OGDH: variants seen among roughly 807,000 people sequenced by gnomAD.
The protein encoded by OGDH is 2-oxoglutarate dehydrogenase complex component E1.
Under a neutral mutation model 116.6 loss-of-function variants are expected in OGDH, and 38 were observed. The ratio of observed to expected loss-of-function variants is 0.33; its 90% CI spans 0.25 to 0.43. The LOEUF is 0.43. Among genes scored for constraint, OGDH ranks in the 20% least tolerant of loss-of-function variants. The pLI is 1.00. For synonymous variants in OGDH, 488 were observed against 533.3 expected (o/e 0.92, Z 1.17); for missense variants, 825 against 1,357.2 (o/e 0.61, Z 6.16).
At chr7:44,698,082 C>T in intron 17 of OGDH, 110 bp from the exon 18 acceptor site, 1 of 1,283,112 alleles carries the variant, frequency 7.8e-7, no homozygotes, top group South Asian at 1.2e-5. Flanking sequence ...ACCCTGCCAT[C>T]AAGAAAAAAG....
intron 9 of OGDH, among the ~76,000 whole-genome samples, chr7:44,677,088 C>T (rs1209789217): frequency 6.6e-6 from 1 of 152,100 alleles, no homozygotes; most frequent in Non-Finnish European, 1.5e-5. Context: ...TATTTAACTT[C>T]AAGATAGAAT....
At chr7:44,650,264 G>T (rs1437531676) in intron 4 of OGDH, among the ~76,000 whole-genome samples, 1 of 151,118 alleles carries the variant, frequency 6.6e-6, no homozygotes, top group Non-Finnish European at 1.5e-5. Context: ...AAAACAGCAG[G>T]TCAGATGTGA....
intron 20 of OGDH, among the ~76,000 whole-genome samples, chr7:44,706,242 T>C (rs920058182): frequency 6.6e-6 from 1 of 151,978 alleles, no homozygotes; most frequent in African/African-American, 2.4e-5. Flanking sequence ...CTGAATATTT[T>C]CTCTGATTGT....
intron 9 of OGDH, among the ~76,000 whole-genome samples, chr7:44,680,073 A>G (rs1167693292): frequency 6.6e-6 from 1 of 152,176 alleles, no homozygotes; most frequent in Non-Finnish European, 1.5e-5. Flanking sequence ...TTAGCCAGGC[A>G]TGGTGGCATG....
intron 3 of OGDH, among the ~76,000 whole-genome samples, 197 bp downstream of exon 3, chr7:44,645,715 A>G (rs1786144740): frequency 6.6e-6 from 1 of 152,224 alleles, no homozygotes; most frequent in African/African-American, 2.4e-5. Context: ...CTATTTGAGC[A>G]AATCTCCCAG....
Position 44,707,529 on chromosome 7 carries a change from C to A in OGDH, c.2797-53C>A. 6.2e-7 allele frequency: 1 copy of A among 1,605,852 alleles called. No homozygotes were observed. Among genetic ancestry groups the A allele is most frequent in the South Asian group, 1.1e-5 (1 of 90,564 alleles). ...GAACACCAGTTTCCCTTTGCTGGATCTTGCCTGCCCTCTGAGTTTCCTCTT... is the reference window on the plus strand; with the variant it reads ...GAACACCAGTTTCCCTTTGCTGGATATTGCCTGCCCTCTGAGTTTCCTCTT... On this transcript the variant is annotated intron_variant, in intron 21 of 22. Transcript: ENST00000222673. The surrounding 1 kb of genome is among the most constrained non-coding windows in gnomAD (Gnocchi z 5.2).
In OGDH at chr7:44,674,514, A is replaced by G. The variant is rs767459163; in HGVS notation, c.892A>G (p.Ser298Gly). 6.2e-7 allele frequency: 1 copy of G among 1,614,154 alleles called. No homozygotes were observed. Residue 298 changes from serine to glycine, a missense_variant, in exon 7 of 23, where the codon AGT becomes GGT. Physicochemically the swap from Ser to Gly is moderately conservative, Grantham distance 56. This residue lies in a region of OGDH where 171 missense variants were observed against 276.8 expected (regional missense o/e 0.62). Transcript: ENST00000222673. ...PALKTIIDKS[S>G]ENGVDYVIMG... ...CCTCAAGACCATCATTGACAAGTCT[A>G]GTGAGAATGGCGTGGACTACGTGAT...
chr7:44,608,964 A>G (rs1283845605), intron 1 of OGDH, among the ~76,000 whole-genome samples: 2 of 152,192 alleles, frequency 1.3e-5, no homozygotes, highest in African/African-American at 2.4e-5. Flanking sequence ...ATTGACATTA[A>G]TAAAATTCAA....
chr7:44,691,438 A>G (rs1208597896), intron 10 of OGDH, among the ~76,000 whole-genome samples: 6 of 151,540 alleles, frequency 4.0e-5, no homozygotes, highest in Non-Finnish European at 5.9e-5. Context: ...AGGCTGAGGC[A>G]GGAGGATTGC....
chr7:44,689,083 A>G (rs942714209), intron 10 of OGDH, among the ~76,000 whole-genome samples: 13 of 151,740 alleles, frequency 8.6e-5, no homozygotes, highest in Admixed American at 7.9e-4. Context: ...CTTTTCGGGT[A>G]TATACGTAGG....
At chr7:44,625,043 C>CTT (rs1175151247) in intron 2 of OGDH, among the ~76,000 whole-genome samples, 2 of 152,150 alleles carry the variant, frequency 1.3e-5, no homozygotes, top group African/African-American at 4.8e-5. Context: ...CTCTGTATTA[C>CTT]ATATAAGGGC....
chr7:44,610,251 T>C (rs934278404), intron 1 of OGDH, among the ~76,000 whole-genome samples: 4 of 152,236 alleles, frequency 2.6e-5, no homozygotes, highest in Admixed American at 1.3e-4. Context: ...GATATGTAGT[T>C]TGCAGATATT....
chr7:44,616,467 G>T (rs1784772854), intron 1 of OGDH, among the ~76,000 whole-genome samples: 1 of 152,048 alleles, frequency 6.6e-6, no homozygotes, highest in African/African-American at 2.4e-5. Flanking sequence ...ATAGGCTTCT[G>T]TGCTAAATGA....
chr7:44,638,682 T>TC (rs1164558406), intron 2 of OGDH, among the ~76,000 whole-genome samples: 8 of 152,124 alleles, frequency 5.3e-5, no homozygotes, highest in Non-Finnish European at 1.2e-4. Context: ...TTTTTCTCAC[T>TC]CAGTAAGAGA....
intron 10 of OGDH, among the ~76,000 whole-genome samples, chr7:44,685,773 C>G (rs1788101891): frequency 6.6e-6 from 1 of 151,946 alleles, no homozygotes; most frequent in Admixed American, 6.6e-5. Context: ...TGTGCACCAC[C>G]ATGCCCAGCT....
chr7:44,661,349 G>T (rs1786930526), intron 4 of OGDH, among the ~76,000 whole-genome samples: 1 of 152,034 alleles, frequency 6.6e-6, no homozygotes, highest in Admixed American at 6.5e-5. Context: ...CATTTGAAGT[G>T]AGTTTCTTGT....
chr7:44,633,170 G>C (rs546655955), intron 2 of OGDH, among the ~76,000 whole-genome samples: 1 of 149,574 alleles, frequency 6.7e-6, no homozygotes, highest in Non-Finnish European at 1.5e-5. Flanking sequence ...GGAGAATGGC[G>C]TGAACCTGGG....
At chr7:44,646,111 G>A (rs1381588735) in intron 3 of OGDH, among the ~76,000 whole-genome samples, 1 of 152,148 alleles carries the variant, frequency 6.6e-6, no homozygotes, top group Non-Finnish European at 1.5e-5. Flanking sequence ...CTTTCCCAGA[G>A]CACAATAACC....
At chr7:44,691,838 C>T (rs1788376505) in intron 10 of OGDH, among the ~76,000 whole-genome samples, 1 of 151,650 alleles carries the variant, frequency 6.6e-6, no homozygotes, top group South Asian at 2.1e-4. Flanking sequence ...AAAAAATTAG[C>T]CAGGCATGGT....
Sources: allele counts gnomAD v4.1 joint callset (sites outside exome capture counted in the v4.1 genomes callset), GRCh38; gene constraint gnomAD v4.1.1; regional missense constraint gnomAD v4.1.1; non-coding constraint Gnocchi (gnomAD v3.1); transcripts MANE v1.5; gene names NCBI Gene and HGNC (gene_info 2026-07-23, HGNC 2026-07-21).